The following PTCH1 variants were observed in gnomAD, a reference collection of about 807,000 sequenced individuals.
PTCH1 encodes patched 1.
PTCH1 carries 14 observed loss-of-function variants against 144.6 expected under a neutral mutation model. That is an observed-to-expected ratio of 0.10 (90% CI 0.06 to 0.15). The LOEUF (loss-of-function observed/expected upper bound fraction) is 0.15. PTCH1 is among the 10% of genes least tolerant of loss of function. The pLI is 1.00. For missense variants in PTCH1, 1,623 were observed against 1,948.3 expected, an observed-to-expected ratio of 0.83 and a Z score of 3.14; for synonymous variants, 833 against 793.6, an observed-to-expected ratio of 1.05 and a Z score of -0.83.
chr9:95,475,313 G>A (rs1166365761), intron 12 of PTCH1, among the ~76,000 whole-genome samples: 1 of 152,154 alleles, frequency 6.6e-6, no homozygotes, highest in African/African-American at 2.4e-5. Flanking sequence ...TGGTCTGGAA[G>A]GAGAGGACAA....
At chr9:95,507,399 C>T (rs901886035) in intron 1 of PTCH1, 2 of 985,422 alleles carry the variant, frequency 2.0e-6, no homozygotes, top group African/African-American at 3.5e-5. Flanking sequence ...GGCGGGCCCC[C>T]GTCTGGGTGC....
Position 95,508,252 on chromosome 9 carries a change from C to A in PTCH1, c.110G>T (p.Gly37Val), listed in dbSNP as rs748780206. 6.2e-7 allele frequency: 1 copy of A among 1,601,558 alleles called. No individual in the cohort carries two copies. Among genetic ancestry groups the A allele is most frequent in the Non-Finnish European group, 8.5e-7 (1 of 1,175,922 alleles). ...CGGCGCGGCAGCACGGCGCAGCCCC[C>A]CCGTCCGTCTGCGCCTCCCGCCTCC... The part of the protein sequence containing the change: ...PAGGGRRRRT[G>V]GLRRAAAPDR... The change falls in exon 1 of 24, where the codon GGG (glycine) becomes GTG (valine). Residue 37 changes from glycine (G) to valine (V), a missense_variant. Gly to Val is a moderately radical substitution (Grantham distance 109, BLOSUM62 -3). Transcript: ENST00000331920.
intron 15 of PTCH1, among the ~76,000 whole-genome samples, chr9:95,462,383 A>T (rs1839566939): frequency 6.6e-6 from 1 of 152,190 alleles, no homozygotes; most frequent in Admixed American, 6.5e-5. Context: ...TGAGTTCTTC[A>T]ATACAACCAG....
chr9:95,509,942 T>C (rs1162824153), upstream of PTCH1, among the ~76,000 whole-genome samples: 2 of 151,948 alleles, frequency 1.3e-5, no homozygotes. Flanking sequence ...AGCAAGGACG[T>C]TGGGAAAAGC....
At chr9:95,491,204 T>C (rs1231374341) in intron 2 of PTCH1, among the ~76,000 whole-genome samples, 3 of 152,184 alleles carry the variant, frequency 2.0e-5, no homozygotes, top group Admixed American at 2.0e-4. Flanking sequence ...GACCATATTC[T>C]TTACGTCTTT....
chr9:95,475,608 G>A (rs946536212), intron 12 of PTCH1, among the ~76,000 whole-genome samples: 1 of 152,186 alleles, frequency 6.6e-6, no homozygotes, highest in Non-Finnish European at 1.5e-5. Flanking sequence ...AAAAGCGAAA[G>A]AAAAGGTAGC....
chr9:95,449,424 G>A lies in PTCH1; in HGVS notation c.3550-101C>T. ...TATTTTTCAGGGGCCTCTGTTCCCT[G>A]CCCTGGGGCCCTGCGCACTGTGCCG... On this transcript the variant is annotated intron_variant, in intron 21 of 23. Coordinates refer to ENST00000331920, the MANE Select transcript of PTCH1 (RefSeq NM_000264.5). This position sits in a 1 kb window ranked among gnomAD's most constrained non-coding sequence, Gnocchi z 5.3. 1 of 1,474,952 alleles carries A rather than the reference G, an allele frequency of 6.8e-7. No individual in the cohort carries two copies. Among genetic ancestry groups the A allele is most frequent in the Non-Finnish European group, 9.2e-7 (1 of 1,091,534 alleles). 91.4% of individuals were successfully genotyped at this position (1,474,952 alleles called of 1,614,324 possible). A position where few individuals can be genotyped will look rare whatever the true frequency, so the allele number is the denominator to read the frequency against.
At chr9:95,453,150 TGAGACAG>T in intron 20 of PTCH1, 1 of 363,424 alleles carries the variant, frequency 2.8e-6, no homozygotes, top group African/African-American at 2.1e-5. Flanking sequence ...TTTTTTTTTT[TGAGACAG>T]AATCTCGCTC....
intron 12 of PTCH1, among the ~76,000 whole-genome samples, chr9:95,474,348 G>C (rs954459309): frequency 1.3e-5 from 2 of 152,034 alleles, no homozygotes; most frequent in African/African-American, 4.8e-5. Context: ...GGGTACCACA[G>C]GGTGCTGAGC....
chr9:95,514,189 CAG>C (rs763282941), upstream of PTCH1: 5 of 152,230 alleles, frequency 3.3e-5, no homozygotes, highest in Non-Finnish European at 7.3e-5. Flanking sequence ...TGAAAGAAAA[CAG>C]AGCATTGACC....
intron 23 of PTCH1, 133 bp from the exon 24 acceptor site, chr9:95,446,524 C>T (rs965677140): frequency 4.4e-6 from 2 of 456,758 alleles, no homozygotes; most frequent in Non-Finnish European, 4.3e-6. Context: ...CTGAGGTGTC[C>T]CTGGGGGCTG....
At position 95,477,636 on chromosome 9, in the gene PTCH1, C is replaced by T. The variant is rs899465701; in HGVS notation, c.1414G>A (p.Ala472Thr). The T allele has an allele frequency of 6.2e-7, 1 of 1,614,230 alleles. No individual in the cohort carries two copies. Among genetic ancestry groups the T allele is most frequent in the Non-Finnish European group, 8.5e-7 (1 of 1,180,048 alleles). ...CSKSQGAVGLAGVLLVALSVA... is the reference protein window; with the variant it reads ...CSKSQGAVGLTGVLLVALSVA... ...GACAGTGCAACCAGCAGGACGCCAG[C>T]CAGCCCCACGGCACCCTGGGACTTG... Residue 472 changes from alanine (A) to threonine (T), a missense_variant, in exon 10 of 24, where the codon GCT (alanine) becomes ACT (threonine). Coordinates refer to ENST00000331920, the MANE Select transcript of PTCH1 (RefSeq NM_000264.5).
upstream of PTCH1, among the ~76,000 whole-genome samples, chr9:95,511,191 G>T (rs1487151861): frequency 6.6e-6 from 1 of 150,592 alleles, no homozygotes; most frequent in African/African-American, 2.4e-5. Context: ...CGGTCCACGC[G>T]GCTCCCGCAG....
At position 95,478,140 on chromosome 9, in the gene PTCH1, G is replaced by C. The variant is rs1285775586; in HGVS notation, c.1262C>G (p.Ser421Cys). The C allele has an allele frequency of 3.1e-6, 5 of 1,614,072 alleles. No homozygotes were observed. Among genetic ancestry groups the C allele is most frequent in the Admixed American group, 1.7e-5 (1 of 60,004 alleles). ...GTCGTCCAGGGTCGTGGTGGTGAAG[G>C]AAAGCACCTTTTGAGTGGAGTTCTG... ...VAQNSTQKVL[S>C]FTTTTLDDIL... The change falls in exon 9 of 24, where the codon TCC becomes TGC. Residue 421 changes from serine (S) to cysteine (C), a missense_variant. Physicochemically the swap from Ser to Cys is moderately radical, Grantham distance 112. Coordinates refer to ENST00000331920, the MANE Select transcript of PTCH1 (RefSeq NM_000264.5).
At chr9:95,464,170 C>G (rs1026529761) in intron 15 of PTCH1, among the ~76,000 whole-genome samples, 5 of 152,180 alleles carry the variant, frequency 3.3e-5, no homozygotes, top group African/African-American at 1.2e-4. Flanking sequence ...CAGTCATCGA[C>G]TTTCTGGAAC....
intron 20 of PTCH1, chr9:95,452,687 T>C (rs1201153571): frequency 1.3e-5 from 2 of 152,216 alleles, no homozygotes; most frequent in Admixed American, 1.3e-4. Flanking sequence ...TTCCCAAGAG[T>C]TGACACCAAA....
At chr9:95,475,530 G>A (rs1009793346) in intron 12 of PTCH1, among the ~76,000 whole-genome samples, 8 of 152,202 alleles carry the variant, frequency 5.3e-5, no homozygotes, top group East Asian at 3.9e-4. Context: ...TCGCCAGTTC[G>A]CGGTCCTGCA....
At chr9:95,475,917 G>A (rs1840990476) in intron 12 of PTCH1, 117 bp downstream of exon 12, 5 of 1,490,546 alleles carry the variant, frequency 3.4e-6, no homozygotes, top group Non-Finnish European at 4.6e-6. Context: ...TCAAACACAG[G>A]CATTTCTATT....
At chr9:95,474,226 G>C in intron 12 of PTCH1, 1 of 333,406 alleles carries the variant, frequency 3.0e-6, no homozygotes, top group Middle Eastern at 5.1e-4. Flanking sequence ...GAGCAAAAAG[G>C]CAAGCAGAAA....
Sources: gnomAD v4.1 joint callset for allele counts (sites outside exome capture counted in the v4.1 genomes callset) on GRCh38, gnomAD v4.1.1 for gene constraint, Gnocchi (gnomAD v3.1) non-coding constraint, MANE v1.5 for transcripts, NCBI Gene and HGNC (gene_info 2026-07-23, HGNC 2026-07-21) for gene names.